Variants in NDE1 observed in about 807,000 individuals in gnomAD.
The protein encoded by NDE1 is nudE neurodevelopment protein 1.
NDE1 carries 28 observed loss-of-function variants against 43.4 expected under a neutral mutation model. The observed-to-expected ratio is 0.65, with a 90% CI of 0.48 to 0.89. The LOEUF (loss-of-function observed/expected upper bound fraction) is 0.89. NDE1 is among the 40% of genes least tolerant of loss of function. The pLI, the probability that NDE1 is intolerant of heterozygous loss-of-function variation, is 0.00. For missense variants in NDE1, 441 were observed against 434.1 expected (o/e 1.02, Z -0.14); for synonymous variants, 184 against 172.0 (o/e 1.07, Z -0.55).
intron 8 of NDE1, chr16:15,699,668 C>A: frequency 7.6e-7 from 1 of 1,311,240 alleles, no homozygotes; most frequent in East Asian, 5.0e-5. Flanking sequence ...CTCTGGGCCC[C>A]GGTGCTAGCC....
At chr16:15,693,024 A>G (rs2038829827) in intron 6 of NDE1, among the ~76,000 whole-genome samples, 1 of 147,770 alleles carries the variant, frequency 6.8e-6, no homozygotes. Context: ...TTTTTGAGAC[A>G]AAGTCTTGCT....
At chr16:15,703,551 C>G (rs1444790096) in intron 8 of NDE1, 1 of 331,428 alleles carries the variant, frequency 3.0e-6, no homozygotes, top group Non-Finnish European at 5.7e-6. Flanking sequence ...TTACATCATA[C>G]AAACTTCAAT....
chr16:15,715,206 C>T, intron 8 of NDE1: 3 of 1,614,134 alleles, frequency 1.9e-6, no homozygotes, highest in Non-Finnish European at 2.5e-6. Context: ...CGTCCTCCAC[C>T]TGCAGCAAGA....
chr16:15,710,687 TG>T (rs1157724247), intron 8 of NDE1, among the ~76,000 whole-genome samples: 16 of 151,008 alleles, frequency 1.1e-4, no homozygotes, highest in African/African-American at 3.2e-4. Context: ...TTTTGTTTTT[TG>T]TTTTTTTTTT....
intron 3 of NDE1, among the ~76,000 whole-genome samples, chr16:15,668,371 C>T (rs1307679865): frequency 2.0e-5 from 3 of 152,190 alleles, no homozygotes. Context: ...AAACCAAAGT[C>T]CTTCCACCTG....
At position 15,667,417 on chromosome 16, in the gene NDE1, G is replaced by A. The variant is rs139632459; in HGVS notation, c.215G>A (p.Arg72His). 4.3e-5 allele frequency: 70 copies of A among 1,613,794 alleles called. No homozygotes were observed. In the African/African-American group the frequency reaches 6.5e-4, roughly 15 times the overall value. Reference sequence around the variant, plus strand: ...CTCCTGTCCGAAAATAACCGCCTTCGCATGGAGCTGGAAACCATCAAGGTG... The same window carrying A: ...CTCCTGTCCGAAAATAACCGCCTTCACATGGAGCTGGAAACCATCAAGGTG... ...RDLLSENNRL[R>H]MELETIKEKF... Residue 72 changes from arginine to histidine, a missense_variant, in exon 3 of 9, where the codon CGC becomes CAC. Physicochemically the swap from Arg to His is conservative, Grantham distance 29 (BLOSUM62 0). Coordinates refer to ENST00000396354, the MANE Select transcript of NDE1 (RefSeq NM_017668.3).
chr16:15,721,194 CCT>C (rs2040457074), intron 8 of NDE1: 1 of 1,010,918 alleles, frequency 9.9e-7, no homozygotes, highest in East Asian at 2.6e-5. Flanking sequence ...CAAGATGACC[CCT>C]GAGAGTTCAG....
At chr16:15,654,758 T>C (rs1222254388) in intron 1 of NDE1, among the ~76,000 whole-genome samples, 1 of 147,744 alleles carries the variant, frequency 6.8e-6, no homozygotes, top group Non-Finnish European at 1.5e-5. Context: ...GCTGCTCACA[T>C]GCACATTTAG....
chr16:15,719,789 C>T lies in NDE1; in HGVS notation c.948-4402C>T, dbSNP rs1292907215. The T allele has an allele frequency of 2.5e-6, 4 of 1,592,344 alleles. No individual in the cohort carries two copies. The East Asian group carries it at 6.7e-5, about 27-fold the overall frequency. On this transcript the variant is annotated intron_variant, in intron 8 of 8. Transcript: ENST00000396354. ...TTCTGCTGCCCAGTTCAGCTTTGCA[C>T]ACCCACCCCTTGGATTTTCTGCAGT...
intron 7 of NDE1, chr16:15,695,576 A>T: frequency 6.1e-6 from 6 of 984,346 alleles, no homozygotes; most frequent in Non-Finnish European, 7.2e-6. Context: ...ACAGGGAGGG[A>T]TCCTTTTGTG....
upstream of NDE1, among the ~76,000 whole-genome samples, chr16:15,647,108 T>C (rs180857431): frequency 8.5e-5 from 13 of 152,348 alleles, no homozygotes; most frequent in East Asian, 2.3e-3. Flanking sequence ...TGAAGCAGCA[T>C]GTAAATGATT....
chr16:15,719,933 A>G (rs1055117414), intron 8 of NDE1, among the ~76,000 whole-genome samples: 1 of 152,100 alleles, frequency 6.6e-6, no homozygotes, highest in Non-Finnish European at 1.5e-5. Flanking sequence ...TGAGCCCCTG[A>G]TGTGATCTGA....
chr16:15,718,691 C>T, intron 8 of NDE1: 1 of 574,652 alleles, frequency 1.7e-6, no homozygotes, highest in South Asian at 2.1e-5. Flanking sequence ...TTCCTGGCCT[C>T]CCCTTCTCCC....
chr16:15,694,353 C>A (rs931965749), intron 7 of NDE1, 97 bp downstream of exon 7: 1 of 1,504,718 alleles, frequency 6.6e-7, no homozygotes, highest in South Asian at 1.2e-5. Flanking sequence ...TTCTTTTTTT[C>A]TTTTTTTTTA....
Position 15,725,868 on chromosome 16 carries a change from G to A in NDE1, c.*1617G>A, listed in dbSNP as rs1290333844. The A allele has an allele frequency of 5.1e-6, 2 of 394,720 alleles. No individual in the cohort carries two copies. The highest frequency in any genetic ancestry group is 8.9e-6 in the Non-Finnish European group (2 of 224,110). 24.5% of individuals were successfully genotyped at this position (394,720 alleles called of 1,614,324 possible). On this transcript the variant is annotated 3_prime_UTR_variant, in exon 9 of 9. Coordinates refer to ENST00000396354, the MANE Select transcript of NDE1 (RefSeq NM_017668.3). ...CCCCTCAACAGCTTCACATTGCCCA[G>A]AGTAAGGATCAACATACATGTAATA...
At chr16:15,674,195 C>T (rs1466044718) in intron 3 of NDE1, among the ~76,000 whole-genome samples, 3 of 152,108 alleles carry the variant, frequency 2.0e-5, no homozygotes, top group African/African-American at 4.8e-5. Flanking sequence ...CTCTCCTCTC[C>T]TTTTCTCTCC....
In NDE1 at chr16:15,650,290, C is replaced by T. The variant is rs907407225; in HGVS notation, c.-48C>T. 6.4e-6 allele frequency: 2 copies of T among 313,418 alleles called. No homozygotes were observed. The highest frequency in any genetic ancestry group is 2.3e-5 in the African/African-American group (1 of 44,236). The allele number at this position is 313,418 out of a possible 1,614,324, so 19.4% of individuals were successfully genotyped here. ...CGCCGCGTTGGCCTCGCCGCCCCTG[C>T]TCGGGTAAGTGAGGCGCTGCGCGGG... On this transcript the variant is annotated 5_prime_UTR_variant, in exon 1 of 9. Coordinates refer to ENST00000396354, the MANE Select transcript of NDE1 (RefSeq NM_017668.3).
intron 8 of NDE1, among the ~76,000 whole-genome samples, chr16:15,715,924 G>A (rs145436705): frequency 1.6e-4 from 25 of 152,206 alleles, no homozygotes; most frequent in Non-Finnish European, 2.8e-4. Flanking sequence ...TCAGGAGTTC[G>A]AGACCAGCCT....
chr16:15,688,631 C>A (rs1177789316), intron 5 of NDE1, among the ~76,000 whole-genome samples: 2 of 84,030 alleles, frequency 2.4e-5, no homozygotes, highest in Non-Finnish European at 4.2e-5. Flanking sequence ...AGACTCTTGT[C>A]TCAAAAAAAA....
Sources: allele counts gnomAD v4.1 joint callset (sites outside exome capture counted in the v4.1 genomes callset), GRCh38; gene constraint gnomAD v4.1.1; transcripts MANE v1.5; gene names NCBI Gene and HGNC (gene_info 2026-07-23, HGNC 2026-07-21).